HTR4: variants seen among roughly 807,000 people sequenced by gnomAD.
HTR4 encodes 5-hydroxytryptamine receptor 4, also known as 5-hydroxytryptamine (serotonin) receptor 4, G protein-coupled.
In HTR4, 16 loss-of-function variants were observed where a neutral mutation model predicts 36.8. The ratio of observed to expected loss-of-function variants is 0.43; its 90% CI spans 0.29 to 0.66. HTR4 has a LOEUF of 0.66. Ranked by LOEUF, HTR4 falls within the 30% of genes least tolerant of loss-of-function variation. The pLI is 0.13. For missense variants in HTR4, 438 were observed against 490.9 expected, an observed-to-expected ratio of 0.89 and a Z score of 1.02; for synonymous variants, 189 against 185.1, an observed-to-expected ratio of 1.02 and a Z score of -0.17.
intron 4 of HTR4, among the ~76,000 whole-genome samples, chr5:148,530,894 G>A (rs1380204372): frequency 2.0e-5 from 3 of 152,198 alleles, no homozygotes; most frequent in Admixed American, 6.5e-5. Flanking sequence ...GGATTCAAAG[G>A]AGATCATTTT....
Position 148,482,073 on chromosome 5 carries a change from A to G in HTR4, c.*1130T>C. 1 of 980,118 alleles carries G rather than the reference A, an allele frequency of 1.0e-6. No individual in the cohort carries two copies. Among genetic ancestry groups the G allele is most frequent in the Admixed American group, 6.1e-5 (1 of 16,386 alleles). The allele number at this position is 980,118 out of a possible 1,614,324, so 60.7% of individuals were successfully genotyped here. A position where few individuals can be genotyped will look rare whatever the true frequency, so the allele number is the denominator to read the frequency against. ...TGGGGTCCAGAGATGAAAGAACACT[A>G]TTCAAGATCTCACAGCTTGTTTGCA... On this transcript the variant is annotated 3_prime_UTR_variant, in exon 7 of 7. Transcript: ENST00000377888.
At chr5:148,525,566 G>A (rs1758229959) in intron 4 of HTR4, among the ~76,000 whole-genome samples, 1 of 152,158 alleles carries the variant, frequency 6.6e-6, no homozygotes, top group South Asian at 2.1e-4. Context: ...GATGCAAGGT[G>A]GGCAAGTCAG....
At chr5:148,501,638 C>T (rs1397334968) in intron 6 of HTR4, among the ~76,000 whole-genome samples, 1 of 152,138 alleles carries the variant, frequency 6.6e-6, no homozygotes, top group Admixed American at 6.5e-5. Context: ...ATAAAATAGG[C>T]AGAATTCCTG....
chr5:148,562,103 G>A (rs911903684), intron 2 of HTR4, among the ~76,000 whole-genome samples: 8 of 152,198 alleles, frequency 5.3e-5, no homozygotes, highest in Non-Finnish European at 7.3e-5. Context: ...CCATTGGGCC[G>A]AATCCAGCCT....
At chr5:148,588,709 T>G (rs1761445237) in intron 2 of HTR4, among the ~76,000 whole-genome samples, 2 of 150,654 alleles carry the variant, frequency 1.3e-5, no homozygotes, top group Non-Finnish European at 3.0e-5. Flanking sequence ...CCCGGCTAAT[T>G]TTTTGTATTT....
At chr5:148,600,976 C>CGAA (rs1761967668) in intron 2 of HTR4, among the ~76,000 whole-genome samples, 1 of 13,546 alleles carries the variant, frequency 7.4e-5, no homozygotes, top group African/African-American at 3.9e-4. Context: ...AACTCAATAG[C>CGAA]AAAAAAAAAA....
At chr5:148,641,103 A>G (rs979653044) in intron 1 of HTR4, among the ~76,000 whole-genome samples, 1 of 152,180 alleles carries the variant, frequency 6.6e-6, no homozygotes, top group African/African-American at 2.4e-5. Flanking sequence ...GATTATAGGA[A>G]CATCTCTTGC....
chr5:148,488,979 C>T lies in HTR4; in HGVS notation c.1077-5686G>A, dbSNP rs561079742. Among the ~76,000 whole-genome samples the T allele has an allele frequency of 9.9e-4, 150 of 152,178 alleles. 1 individual carries two copies. The highest frequency in any genetic ancestry group is 3.5e-3 in the African/African-American group (146 of 41,490). ...AGAACTAAGAGGTCAAATCAATATC[C>T]TTTCATGACTTTTTTCCATTGTTTA... On this transcript the variant is annotated intron_variant, in intron 6 of 6. Coordinates refer to ENST00000377888, the MANE Select transcript of HTR4 (RefSeq NM_000870.7).
intron 2 of HTR4, among the ~76,000 whole-genome samples, chr5:148,565,516 G>A (rs1430629253): frequency 6.6e-6 from 1 of 152,106 alleles, no homozygotes; most frequent in Non-Finnish European, 1.5e-5. Context: ...GGTGGTAAAC[G>A]AATGTGAGGG....
At position 148,610,315 on chromosome 5, in the gene HTR4, C is replaced by T. The variant is rs573733004; in HGVS notation, c.26+26674G>A. ...GAAGAGAGCAGTGGTTCTCCCAGTACGCAGCTGGAGATCTGAGAACGGGCA... is the reference window on the plus strand; with the variant it reads ...GAAGAGAGCAGTGGTTCTCCCAGTATGCAGCTGGAGATCTGAGAACGGGCA... On this transcript the variant is annotated intron_variant, in intron 2 of 6. Transcript: ENST00000377888. 3.8e-3 allele frequency among the ~76,000 whole-genome samples: 579 copies of T among 152,186 alleles called. 3 individuals carry two copies. The highest frequency in any genetic ancestry group is 0.013 in the African/African-American group (533 of 41,518).
In HTR4 at chr5:148,550,216, A is replaced by C. The variant is rs1759613474; in HGVS notation, c.73T>G (p.Phe25Val). ...GSVEKVVLLT[F>V]LSTVILMAIL... Reference sequence around the variant, plus strand: ...GCCATCAGGATAACCGTCGAGAGAAACGTGAGCAGCACCACCTTCTCCACT... The same window carrying C: ...GCCATCAGGATAACCGTCGAGAGAACCGTGAGCAGCACCACCTTCTCCACT... The change falls in exon 3 of 7, where the codon TTT (phenylalanine) becomes GTT (valine). Residue 25 changes from phenylalanine (F) to valine (V), a missense_variant. Phe to Val is a conservative substitution (Grantham distance 50). Transcript: ENST00000377888. 6.2e-7 allele frequency: 1 copy of C among 1,614,000 alleles called. No homozygotes were observed. The highest frequency in any genetic ancestry group is 1.3e-5 in the African/African-American group (1 of 74,900).
At chr5:148,643,844 C>T (rs1372916825) in intron 1 of HTR4, among the ~76,000 whole-genome samples, 1 of 152,120 alleles carries the variant, frequency 6.6e-6, no homozygotes, top group East Asian at 1.9e-4. Context: ...AAAGGATCCA[C>T]CTCAGTAGGA....
chr5:148,486,367 C>T (rs1402163053), intron 6 of HTR4, among the ~76,000 whole-genome samples: 1 of 152,150 alleles, frequency 6.6e-6, no homozygotes, highest in Non-Finnish European at 1.5e-5. Context: ...CTTTAACACT[C>T]AGGAAGCCCC....
rs569466460 is a variant in HTR4 at position 148,644,035 on chromosome 5, A to G, written c.-47-6974T>C. On this transcript the variant is annotated intron_variant, in intron 1 of 6. Transcript: ENST00000377888. ...GCATAAGAATCACCCGGAGGCTTGT[A>G]AAAATGAAAAGCCTGGACCCTACCC... 2.6e-5 allele frequency among the ~76,000 whole-genome samples: 4 copies of G among 152,332 alleles called. No homozygotes were observed. In the East Asian group the frequency reaches 7.7e-4, roughly 29 times the overall value.
intron 2 of HTR4, among the ~76,000 whole-genome samples, chr5:148,573,426 C>G (rs1258678573): frequency 1.3e-5 from 2 of 151,978 alleles, no homozygotes; most frequent in East Asian, 3.9e-4. Context: ...CCTCTGTGAT[C>G]CAGAAAGATG....
At chr5:148,590,294 T>C (rs1482018834) in intron 2 of HTR4, among the ~76,000 whole-genome samples, 19 of 121,158 alleles carry the variant, frequency 1.6e-4, no homozygotes, top group Non-Finnish European at 1.7e-4. Context: ...TTTCTTTTTT[T>C]TTTTTTTTTT....
At chr5:148,569,930 T>C (rs1760608198) in intron 2 of HTR4, among the ~76,000 whole-genome samples, 2 of 152,110 alleles carry the variant, frequency 1.3e-5, no homozygotes. Context: ...TGAATTTGTA[T>C]GCTTATGGGT....
At chr5:148,544,053 G>GT (rs1315711155) in intron 4 of HTR4, among the ~76,000 whole-genome samples, 5 of 151,860 alleles carry the variant, frequency 3.3e-5, no homozygotes, top group Non-Finnish European at 7.3e-5. Context: ...ATTTGAGAAG[G>GT]TTACGTTCTA....
intron 4 of HTR4, among the ~76,000 whole-genome samples, chr5:148,531,990 T>C (rs532145883): frequency 1.3e-5 from 2 of 152,298 alleles, no homozygotes; most frequent in East Asian, 1.9e-4. Context: ...CTCAACGTTC[T>C]ACAGTGCCCC....
Sources: gnomAD v4.1 joint callset for allele counts (sites outside exome capture counted in the v4.1 genomes callset) on GRCh38, gnomAD v4.1.1 for gene constraint, MANE v1.5 for transcripts, NCBI Gene and HGNC (gene_info 2026-07-23, HGNC 2026-07-21) for gene names.